IPCEF1: variants seen among roughly 807,000 people sequenced by gnomAD.
IPCEF1 encodes the protein interactor protein for cytohesin exchange factors 1.
Under a neutral mutation model 50.9 loss-of-function variants are expected in IPCEF1, and 31 were observed. That is an observed-to-expected ratio of 0.61 (90% CI 0.46 to 0.82). IPCEF1 has a LOEUF of 0.82. Among genes scored for constraint, IPCEF1 ranks in the 40% least tolerant of loss-of-function variants. The pLI is 0.00. For missense variants in IPCEF1, 458 were observed against 514.0 expected (o/e 0.89, Z 1.05); for synonymous variants, 181 against 192.0 (o/e 0.94, Z 0.47).
At chr6:154,294,720 T>A (rs551155298) in intron 1 of IPCEF1, among the ~76,000 whole-genome samples, 2 of 152,162 alleles carry the variant, frequency 1.3e-5, no homozygotes, top group African/African-American at 4.8e-5. Context: ...TTTTGCCCAA[T>A]AAACCCTGCC....
intron 2 of IPCEF1, among the ~76,000 whole-genome samples, chr6:154,285,328 C>T (rs1782333890): frequency 6.6e-6 from 1 of 152,182 alleles, no homozygotes; most frequent in South Asian, 2.1e-4. Flanking sequence ...CTTTTCCTCA[C>T]TGTCTACATA....
chr6:154,255,803 T>C (rs1781446614), intron 3 of IPCEF1, among the ~76,000 whole-genome samples: 1 of 152,186 alleles, frequency 6.6e-6, no homozygotes, highest in Admixed American at 6.5e-5. Flanking sequence ...CCAATGTTTA[T>C]GCCATCTATT....
intron 5 of IPCEF1, among the ~76,000 whole-genome samples, chr6:154,233,501 C>A (rs749340486): frequency 2.0e-5 from 3 of 152,030 alleles, no homozygotes; most frequent in Non-Finnish European, 4.4e-5. Context: ...TTTTTTCTTA[C>A]AAACACCTAG....
chr6:154,243,467 AG>A (rs1367886585), intron 5 of IPCEF1, among the ~76,000 whole-genome samples: 14 of 152,202 alleles, frequency 9.2e-5, no homozygotes, highest in African/African-American at 2.9e-4. Flanking sequence ...TGAAAGAAAA[AG>A]GTAGACTATG....
chr6:154,326,232 A>AG (rs980513462), intron 1 of IPCEF1, among the ~76,000 whole-genome samples: 2 of 151,922 alleles, frequency 1.3e-5, no homozygotes, highest in African/African-American at 4.8e-5. Context: ...AAAAAAAAAA[A>AG]AAAAGAAAAG....
chr6:154,270,396 T>G (rs1781871742), intron 2 of IPCEF1, among the ~76,000 whole-genome samples: 1 of 152,174 alleles, frequency 6.6e-6, no homozygotes, highest in African/African-American at 2.4e-5. Flanking sequence ...TAAAAACCAA[T>G]AATAGGATTA....
rs566894607 is a variant in IPCEF1 at position 154,281,658 on chromosome 6, G to A, written c.-18+8055C>T. On this transcript the variant is annotated intron_variant, in intron 2 of 11. Transcript: ENST00000367220. ...AGGTGATAACTTGAGGCCAGGGTAC[G>A]AGATCAGCCTGGTCAGCATGGTGAA... is the stretch of plus-strand genomic sequence containing the variant. Among the ~76,000 whole-genome samples the A allele has an allele frequency of 2.6e-5, 4 of 152,006 alleles. No homozygotes were observed. The South Asian group carries it at 6.3e-4, about 24-fold the overall frequency.
chr6:154,247,352 G>T, intron 4 of IPCEF1, 97 bp downstream of exon 4: 1 of 956,702 alleles, frequency 1.0e-6, no homozygotes, highest in South Asian at 1.4e-5. Context: ...TTAGCATTAA[G>T]ACAGACAGAA....
At chr6:154,227,716 CAA>C (rs899070819) in intron 5 of IPCEF1, among the ~76,000 whole-genome samples, 1 of 150,132 alleles carries the variant, frequency 6.7e-6, no homozygotes, top group Non-Finnish European at 1.5e-5. Flanking sequence ...AAATGTGTCT[CAA>C]AAAAAAATTA....
chr6:154,321,500 A>G lies in IPCEF1; in HGVS notation c.-61-31744T>C, dbSNP rs141043963. On this transcript the variant is annotated intron_variant, in intron 1 of 11. Coordinates refer to ENST00000367220, the MANE Select transcript of IPCEF1 (RefSeq NM_001130700.2). The stretch of plus-strand genomic sequence containing the variant: ...AAAAAGCATCCAAAAGACCCAGGTC[A>G]GGCGTTGTGGCTCACATCTGTAATC... 6.6e-3 allele frequency among the ~76,000 whole-genome samples: 1,009 copies of G among 152,122 alleles called. 18 individuals are homozygous for G. The highest frequency in any genetic ancestry group is 0.035 in the Admixed American group (541 of 15,254).
intron 1 of IPCEF1, among the ~76,000 whole-genome samples, chr6:154,312,589 G>A (rs749204659): frequency 5.3e-5 from 8 of 151,798 alleles, no homozygotes; most frequent in East Asian, 1.9e-4. Context: ...CTCATGATCC[G>A]CCCGCCTCAG....
chr6:154,343,202 C>T (rs1002066802), intron 1 of IPCEF1, among the ~76,000 whole-genome samples: 2 of 152,180 alleles, frequency 1.3e-5, no homozygotes, highest in Admixed American at 1.3e-4. Flanking sequence ...CCTAATAAGC[C>T]TCAATTCATT....
chr6:154,184,331 GAATA>G (rs1282923695), intron 10 of IPCEF1, among the ~76,000 whole-genome samples: 1 of 151,894 alleles, frequency 6.6e-6, no homozygotes, highest in African/African-American at 2.4e-5. Flanking sequence ...ATCTTTTGGA[GAATA>G]AATAATACTA....
chr6:154,247,583 G>A, intron 3 of IPCEF1, 95 bp from the exon 4 acceptor site: 1 of 1,041,566 alleles, frequency 9.6e-7, no homozygotes, highest in South Asian at 1.4e-5. Context: ...GTGTTTATGA[G>A]CAGGATGGAA....
At chr6:154,246,513 T>TC (rs890749255) in intron 5 of IPCEF1, 78 bp downstream of exon 5, 30 of 1,464,128 alleles carry the variant, frequency 2.0e-5, no homozygotes, top group Non-Finnish European at 2.6e-5. Context: ...AAATGAACTT[T>TC]CCCATAGGGA....
intron 10 of IPCEF1, among the ~76,000 whole-genome samples, chr6:154,170,613 A>C (rs549773600): frequency 6.6e-5 from 10 of 152,310 alleles, no homozygotes; most frequent in African/African-American, 2.4e-4. Flanking sequence ...TCAAAACTAC[A>C]TCTGAAGACA....
chr6:154,203,388 A>T lies in IPCEF1; in HGVS notation c.538-3348T>A, dbSNP rs373909618. ...GGAATGTCATTTTGTGTATCAACTTACACAGTTGTCCCTTGAACAGTAGGG... is the reference window on the plus strand; with the variant it reads ...GGAATGTCATTTTGTGTATCAACTTTCACAGTTGTCCCTTGAACAGTAGGG... On this transcript the variant is annotated intron_variant, in intron 9 of 11. Coordinates refer to ENST00000367220, the MANE Select transcript of IPCEF1 (RefSeq NM_001130700.2). 2.0e-5 allele frequency among the ~76,000 whole-genome samples: 3 copies of T among 152,292 alleles called. No homozygotes were observed. The South Asian group carries it at 6.2e-4, about 32-fold the overall frequency.
intron 5 of IPCEF1, among the ~76,000 whole-genome samples, chr6:154,235,759 A>T (rs138533109): frequency 0.011 from 1,673 of 152,322 alleles, 33 homozygotes; most frequent in African/African-American, 0.037. Flanking sequence ...TCTCCCAAGA[A>T]GATATGGAAA....
At chr6:154,347,934 G>A (rs1784063059) in intron 1 of IPCEF1, among the ~76,000 whole-genome samples, 1 of 152,174 alleles carries the variant, frequency 6.6e-6, no homozygotes, top group African/African-American at 2.4e-5. Context: ...GCAATGCCCG[G>A]TGGAAATTAC....
Sources: gnomAD v4.1 joint callset for allele counts (sites outside exome capture counted in the v4.1 genomes callset) on GRCh38, gnomAD v4.1.1 for gene constraint, MANE v1.5 for transcripts, NCBI Gene and HGNC (gene_info 2026-07-23, HGNC 2026-07-21) for gene names.